The following ATAD2B variants were observed in gnomAD, a reference collection of about 807,000 sequenced individuals.
ATAD2B encodes the protein ATPase family AAA domain-containing protein 2B.
In ATAD2B, 40 loss-of-function variants were observed where a neutral mutation model predicts 167.6. That is an observed-to-expected ratio of 0.24 (90% CI 0.19 to 0.31). The LOEUF (loss-of-function observed/expected upper bound fraction) is 0.31. Ranked by LOEUF, ATAD2B falls within the 10% of genes least tolerant of loss-of-function variation. The probability of loss-of-function intolerance (pLI) is 1.00; values close to 1 mark genes in which losing one functional copy is unlikely to be tolerated. For missense variants in ATAD2B, 1,242 were observed against 1,757.2 expected (o/e 0.71, Z 5.24); for synonymous variants, 579 against 596.5 (o/e 0.97, Z 0.43).
chr2:23,735,048 T>A, the ATAD2B span, among the ~76,000 whole-genome samples: 1 of 152,192 alleles, frequency 6.6e-6, no homozygotes, highest in African/African-American at 2.4e-5. Context: ...CAAATTAATA[T>A]TTCTAAAATT....
intron 1 of ATAD2B, among the ~76,000 whole-genome samples, chr2:23,896,529 G>A (rs1356321761): frequency 2.0e-5 from 3 of 151,968 alleles, no homozygotes; most frequent in Non-Finnish European, 2.9e-5. Flanking sequence ...GTTCTTAAAC[G>A]TTTGGTGTGA....
rs1687729032 is a variant in ATAD2B at position 23,823,178 on chromosome 2, A to T, written c.2131+80T>A. ...AGATATATTACAAAAGTGACACATA[A>T]ATAATCTTATGAGGAAACTATATTT... On this transcript the variant is annotated intron_variant, in intron 16 of 27. Transcript: ENST00000238789. 7.3e-6 allele frequency: 9 copies of T among 1,230,608 alleles called. 1 individual carries two copies. The South Asian group carries it at 9.4e-5, about 13-fold the overall frequency. 76.2% of individuals were successfully genotyped at this position (1,230,608 alleles called of 1,614,324 possible).
the ATAD2B span, among the ~76,000 whole-genome samples, chr2:23,715,601 A>G: frequency 8.5e-5 from 13 of 152,276 alleles, no homozygotes; most frequent in East Asian, 2.5e-3. Flanking sequence ...TTAAAGCATA[A>G]AAATATTTTT....
At chr2:23,906,917 AC>A (rs1474707246) in intron 1 of ATAD2B, among the ~76,000 whole-genome samples, 14 of 150,996 alleles carry the variant, frequency 9.3e-5, no homozygotes, top group Non-Finnish European at 1.3e-4. Context: ...AAATTCAACA[AC>A]CCTTCATGCT....
chr2:23,760,079 T>C (rs1463425179), intron 24 of ATAD2B, among the ~76,000 whole-genome samples: 9 of 152,230 alleles, frequency 5.9e-5, no homozygotes, highest in African/African-American at 2.2e-4. Context: ...CTACCTGACA[T>C]GCAGTACATA....
chr2:23,891,455 G>C (rs1217671824), intron 2 of ATAD2B, among the ~76,000 whole-genome samples: 3 of 151,964 alleles, frequency 2.0e-5, no homozygotes, highest in African/African-American at 4.8e-5. Context: ...AGGTGGGTTG[G>C]AGATTTTTTT....
intron 3 of ATAD2B, 133 bp from the exon 4 acceptor site, chr2:23,888,118 A>G: frequency 3.9e-6 from 3 of 767,688 alleles, no homozygotes; most frequent in Non-Finnish European, 3.9e-6. Context: ...TTAATAGTCA[A>G]TAATCTAAAA....
chr2:23,728,765 G>A, the ATAD2B span, among the ~76,000 whole-genome samples: 1 of 151,720 alleles, frequency 6.6e-6, no homozygotes, highest in Non-Finnish European at 1.5e-5. Context: ...TATGTATTTG[G>A]GGAATTAAAA....
intron 1 of ATAD2B, among the ~76,000 whole-genome samples, chr2:23,909,855 TTTTG>T (rs1173534110): frequency 4.0e-5 from 6 of 151,896 alleles, no homozygotes; most frequent in South Asian, 2.1e-4. Flanking sequence ...GGTTGTTTTT[TTTTG>T]TTTGTTTTTG....
chr2:23,912,332 C>T (rs1702431048), intron 1 of ATAD2B, among the ~76,000 whole-genome samples: 1 of 151,890 alleles, frequency 6.6e-6, no homozygotes, highest in Non-Finnish European at 1.5e-5. Context: ...TAACAAGACC[C>T]TTTCTAACAA....
At chr2:23,793,504 TA>T (rs1572776398) in intron 19 of ATAD2B, among the ~76,000 whole-genome samples, 1 of 152,184 alleles carries the variant, frequency 6.6e-6, no homozygotes, top group East Asian at 1.9e-4. Context: ...ATATCTCAAA[TA>T]AAATTCTCCA....
chr2:23,746,420 C>G (rs190238016), downstream of ATAD2B, among the ~76,000 whole-genome samples: 1 of 152,292 alleles, frequency 6.6e-6, no homozygotes, highest in African/African-American at 2.4e-5. Flanking sequence ...TCAGAATAGT[C>G]TCCAGCACCT....
chr2:23,835,467 A>G (rs1017240511), intron 13 of ATAD2B, among the ~76,000 whole-genome samples: 5 of 152,344 alleles, frequency 3.3e-5, no homozygotes, highest in African/African-American at 9.6e-5. Context: ...GCAAATCTAT[A>G]GAAAAAGAAA....
chr2:23,714,855 C>T, the ATAD2B span, among the ~76,000 whole-genome samples: 1 of 125,128 alleles, frequency 8.0e-6, no homozygotes, highest in Non-Finnish European at 1.7e-5. Flanking sequence ...ACTCTGTCTC[C>T]AAAAAAAAAA....
intron 17 of ATAD2B, among the ~76,000 whole-genome samples, chr2:23,817,629 T>C (rs1461347712): frequency 6.6e-6 from 1 of 152,202 alleles, no homozygotes; most frequent in Non-Finnish European, 1.5e-5. Context: ...TGCTTATGTT[T>C]TCAGCATCTC....
chr2:23,866,006 T>C (rs1430159781), intron 10 of ATAD2B: 1 of 812,754 alleles, frequency 1.2e-6, no homozygotes, highest in Admixed American at 6.2e-5. Context: ...AGTATTACTA[T>C]GATAGAAAAA....
the ATAD2B span, among the ~76,000 whole-genome samples, chr2:23,704,892 T>TA: frequency 1.3e-5 from 2 of 152,226 alleles, no homozygotes; most frequent in African/African-American, 4.8e-5. Flanking sequence ...ATGAAGTACT[T>TA]AGAGTGCCCA....
intron 7 of ATAD2B, among the ~76,000 whole-genome samples, chr2:23,879,589 C>T (rs114196999): frequency 0.01 from 1,538 of 152,194 alleles, 12 homozygotes; most frequent in Non-Finnish European, 0.015. Context: ...TTACACTGCA[C>T]CATGAACAAC....
the ATAD2B span, among the ~76,000 whole-genome samples, chr2:23,679,051 TAAA>T: frequency 4.9e-5 from 7 of 141,744 alleles, no homozygotes; most frequent in Non-Finnish European, 6.1e-5. Context: ...TTACCACAAC[TAAA>T]AAAAAAAAAA....
Sources: gnomAD v4.1 joint callset for allele counts (sites outside exome capture counted in the v4.1 genomes callset) on GRCh38, gnomAD v4.1.1 for gene constraint, MANE v1.5 for transcripts, NCBI Gene and HGNC (gene_info 2026-07-23, HGNC 2026-07-21) for gene names.